Variants in FAM78B observed in about 807,000 individuals in gnomAD.
FAM78B encodes protein FAM78B.
In FAM78B, 10 loss-of-function variants were observed where a neutral mutation model predicts 20.0. The observed-to-expected ratio is 0.50, with a 90% CI of 0.31 to 0.85. FAM78B has a LOEUF of 0.85. Ranked by LOEUF, FAM78B falls within the 40% of genes least tolerant of loss-of-function variation. FAM78B has a pLI of 0.05. For missense variants in FAM78B, 283 were observed against 345.0 expected (o/e 0.82, Z 1.42); for synonymous variants, 135 against 132.8 (o/e 1.02, Z -0.12).
chr1:166,085,077 A>G (rs1652770776), intron 1 of FAM78B, among the ~76,000 whole-genome samples: 1 of 152,204 alleles, frequency 6.6e-6, no homozygotes, highest in Non-Finnish European at 1.5e-5. Flanking sequence ...GATCCCTGGA[A>G]GAGAAGCTCT....
chr1:166,113,054 A>G (rs904125988), intron 1 of FAM78B, among the ~76,000 whole-genome samples: 1 of 152,252 alleles, frequency 6.6e-6, no homozygotes, highest in African/African-American at 2.4e-5. Flanking sequence ...TATTGTAGGG[A>G]AAGAGGCTCA....
In FAM78B at chr1:166,070,060, T is replaced by C. The variant is rs183133993; in HGVS notation, c.*181A>G. 3.2e-4 allele frequency: 403 copies of C among 1,272,038 alleles called. 1 individual carries two copies. The African/African-American group carries it at 5.5e-3, about 17-fold the overall frequency. The allele number at this position is 1,272,038 out of a possible 1,614,324, so 78.8% of individuals were successfully genotyped here. ...TTTATTCCTAAGAGGAAGGGATTTTTCCTAAGGATTATGGTTCTACCACCC... is the reference window on the plus strand; with the variant it reads ...TTTATTCCTAAGAGGAAGGGATTTTCCCTAAGGATTATGGTTCTACCACCC... On this transcript the variant is annotated 3_prime_UTR_variant, in exon 2 of 2. Transcript: ENST00000354422.
chr1:166,125,946 C>T (rs1220642252), intron 1 of FAM78B, among the ~76,000 whole-genome samples: 1 of 151,454 alleles, frequency 6.6e-6, no homozygotes, highest in Non-Finnish European at 1.5e-5. Flanking sequence ...ATTCTCCTGC[C>T]TCATCCTCCC....
chr1:166,064,496 C>T (rs1010769211), downstream of FAM78B, among the ~76,000 whole-genome samples: 4 of 152,106 alleles, frequency 2.6e-5, no homozygotes, highest in South Asian at 4.1e-4. Flanking sequence ...TCCAAAAGGC[C>T]GCTTGGAGTT....
At chr1:166,157,040 G>GC (rs1655930008) in intron 1 of FAM78B, among the ~76,000 whole-genome samples, 1 of 108,648 alleles carries the variant, frequency 9.2e-6, no homozygotes, top group Non-Finnish European at 2.1e-5. Flanking sequence ...CGGCGGAGGG[G>GC]GGGGGGGGGC....
At chr1:166,078,802 T>A (rs1327590635) in intron 1 of FAM78B, among the ~76,000 whole-genome samples, 1 of 151,794 alleles carries the variant, frequency 6.6e-6, no homozygotes. Context: ...GGGTTGGGAG[T>A]CAGGGGGAAC....
intron 1 of FAM78B, among the ~76,000 whole-genome samples, chr1:166,095,675 G>A (rs184988572): frequency 1.1e-3 from 160 of 152,252 alleles, no homozygotes; most frequent in African/African-American, 3.8e-3. Flanking sequence ...TGCCAAAAAG[G>A]GGGCAGGAGG....
chr1:166,161,733 G>C (rs1656153817), intron 1 of FAM78B, among the ~76,000 whole-genome samples: 1 of 152,184 alleles, frequency 6.6e-6, no homozygotes. Flanking sequence ...CATACAGATG[G>C]TTTCGCTTGA....
intron 1 of FAM78B, among the ~76,000 whole-genome samples, chr1:166,130,929 G>C (rs1266445880): frequency 6.6e-6 from 1 of 151,346 alleles, no homozygotes; most frequent in Admixed American, 6.6e-5. Context: ...ATGTCACAAG[G>C]CTGCGGGCCC....
chr1:166,137,569 G>A (rs1655114912), intron 1 of FAM78B, among the ~76,000 whole-genome samples: 1 of 151,854 alleles, frequency 6.6e-6, no homozygotes, highest in Non-Finnish European at 1.5e-5. Flanking sequence ...CCACAAGTAT[G>A]GATAAATGTG....
At position 166,153,533 on chromosome 1, in the gene FAM78B, C is replaced by T. The variant is rs573873901; in HGVS notation, c.263+12453G>A. Reference sequence around the variant, plus strand: ...TTATAGGACTTGGAACAGGACATGCCAGGCAGGCAGGACAACAGTGAAGGG... The same window carrying T: ...TTATAGGACTTGGAACAGGACATGCTAGGCAGGCAGGACAACAGTGAAGGG... On this transcript the variant is annotated intron_variant, in intron 1 of 1. Coordinates refer to ENST00000354422, the MANE Select transcript of FAM78B (RefSeq NM_001017961.5). 2.0e-5 allele frequency among the ~76,000 whole-genome samples: 3 copies of T among 152,298 alleles called. No individual in the cohort carries two copies. The South Asian group carries it at 6.2e-4, about 32-fold the overall frequency.
chr1:166,091,077 T>C (rs1332447328), intron 1 of FAM78B, among the ~76,000 whole-genome samples: 1 of 152,120 alleles, frequency 6.6e-6, no homozygotes, highest in Non-Finnish European at 1.5e-5. Flanking sequence ...GGGTGAAGGA[T>C]GAGCAGCAGA....
chr1:166,069,071 C>A (rs1461065157), downstream of FAM78B, among the ~76,000 whole-genome samples: 1 of 152,094 alleles, frequency 6.6e-6, no homozygotes, highest in Admixed American at 6.5e-5. Context: ...TAGTTTCTCA[C>A]AAATGTTCAA....
At chr1:166,056,417 G>A (rs1651347270), downstream of FAM78B, among the ~76,000 whole-genome samples, 1 of 152,050 alleles carries the variant, frequency 6.6e-6, no homozygotes, top group African/African-American at 2.4e-5. Context: ...TGGTGGGGAC[G>A]GGCAGGAGGA....
chr1:166,143,778 C>G (rs751200406), intron 1 of FAM78B, among the ~76,000 whole-genome samples: 2 of 152,134 alleles, frequency 1.3e-5, no homozygotes, highest in African/African-American at 2.4e-5. Context: ...AACAACAGAA[C>G]TGCATATACT....
rs1262937703 is a variant in FAM78B at position 166,166,446 on chromosome 1, C to A, written c.-198G>T. 3.9e-6 allele frequency: 1 copy of A among 254,410 alleles called. No homozygotes were observed. The highest frequency in any genetic ancestry group is 6.3e-6 in the Non-Finnish European group (1 of 158,836). The allele number at this position is 254,410 out of a possible 1,614,324, so 15.8% of individuals were successfully genotyped here. ...GCAGCCGCGCGGGGTCCCCGCTGCC[C>A]CGACGTCCGCCCACGCCCGCCCCCT... On this transcript the variant is annotated 5_prime_UTR_variant, in exon 1 of 2. Coordinates refer to ENST00000354422, the MANE Select transcript of FAM78B (RefSeq NM_001017961.5).
In FAM78B at chr1:166,064,137, C is replaced by T. The variant is rs145556660; in HGVS notation, c.*410-3474G>A. 2.3e-4 allele frequency among the ~76,000 whole-genome samples: 35 copies of T among 152,228 alleles called. No individual in the cohort carries two copies. In the East Asian group the frequency reaches 5.8e-3, roughly 25 times the overall value. Reference sequence around the variant, plus strand: ...AGGGCCATGGGGAATGGGGCTGCCTCGGGCAGGTGCAGAGAGAAGCCATCA... The same window carrying T: ...AGGGCCATGGGGAATGGGGCTGCCTTGGGCAGGTGCAGAGAGAAGCCATCA... On this transcript the variant is annotated intron_variant and NMD_transcript_variant, in intron 2 of 2. Transcript: ENST00000435676.
intron 1 of FAM78B, among the ~76,000 whole-genome samples, chr1:166,147,129 G>A (rs542892600): frequency 6.6e-6 from 1 of 152,316 alleles, no homozygotes; most frequent in African/African-American, 2.4e-5. Context: ...GGTCAGGAAA[G>A]AACAAAGTTC....
rs181932182 is a variant in FAM78B at position 166,089,167 on chromosome 1, A to G, written c.264-18404T>C. 7.9e-5 allele frequency among the ~76,000 whole-genome samples: 12 copies of G among 151,994 alleles called. No homozygotes were observed. The East Asian group carries it at 2.3e-3, about 29-fold the overall frequency. Reference sequence around the variant, plus strand: ...GGATACCTCCCCTGATCCATGCACCACCTCCTCCCACGCTGAACGAAACTA... The same window carrying G: ...GGATACCTCCCCTGATCCATGCACCGCCTCCTCCCACGCTGAACGAAACTA... On this transcript the variant is annotated intron_variant, in intron 1 of 1. Transcript: ENST00000354422.
Sources: allele counts gnomAD v4.1 joint callset (sites outside exome capture counted in the v4.1 genomes callset), GRCh38; gene constraint gnomAD v4.1.1; transcripts MANE v1.5; gene names NCBI Gene and HGNC (gene_info 2026-07-23, HGNC 2026-07-21).